The following LRP12 variants were observed in gnomAD, a reference collection of about 807,000 sequenced individuals.
The protein encoded by LRP12 is low-density lipoprotein receptor-related protein 12.
A neutral mutation model predicts 66.0 loss-of-function variants in LRP12; 14 were observed. The observed-to-expected ratio is 0.21, with a 90% CI of 0.14 to 0.33. The LOEUF is 0.33. Ranked by LOEUF, LRP12 falls within the 10% of genes least tolerant of loss-of-function variation. LRP12 has a pLI of 1.00. For missense variants in LRP12, 889 were observed against 1,053.4 expected (o/e 0.84, Z 2.16); for synonymous variants, 357 against 359.1 (o/e 0.99, Z 0.07).
intron 2 of LRP12, among the ~76,000 whole-genome samples, chr8:104,525,360 C>T (rs1811217312): frequency 6.6e-6 from 1 of 152,114 alleles, no homozygotes; most frequent in African/African-American, 2.4e-5. Flanking sequence ...TATGCCAACC[C>T]TGTAGCATCA....
At position 104,538,518 on chromosome 8, in the gene LRP12, C is replaced by G. The variant is rs556933941; in HGVS notation, c.80-6555G>C. On this transcript the variant is annotated intron_variant, in intron 1 of 6. Coordinates refer to ENST00000276654, the MANE Select transcript of LRP12 (RefSeq NM_013437.5). ...TAAAGCTTCTGGAGATCACCTCAAG[C>G]AGAAGTAATTCTTTTAAACTCCTAT... Among the ~76,000 whole-genome samples the G allele has an allele frequency of 2.0e-4, 30 of 152,134 alleles. No homozygotes were observed. The South Asian group carries it at 6.2e-3, about 32-fold the overall frequency.
At chr8:104,588,124 G>A (rs1401893296) in intron 1 of LRP12, among the ~76,000 whole-genome samples, 3 of 152,202 alleles carry the variant, frequency 2.0e-5, no homozygotes. Context: ...AGCGGCGGAC[G>A]AGGATGGATG....
intron 1 of LRP12, among the ~76,000 whole-genome samples, chr8:104,533,833 T>A (rs1487922724): frequency 6.6e-6 from 1 of 152,008 alleles, no homozygotes; most frequent in Non-Finnish European, 1.5e-5. Flanking sequence ...ATTTTAAACA[T>A]GAAATCTTTT....
intron 2 of LRP12, among the ~76,000 whole-genome samples, chr8:104,521,879 T>C (rs912687856): frequency 2.6e-4 from 40 of 152,066 alleles, no homozygotes; most frequent in African/African-American, 7.9e-4. Flanking sequence ...AGGTACCTAA[T>C]TGAATAATTG....
intron 1 of LRP12, chr8:104,566,380 T>C (rs1174287915): frequency 1.5e-5 from 4 of 262,000 alleles, no homozygotes; most frequent in Admixed American, 8.3e-5. Context: ...GTGAAAACCA[T>C]GGGAGCCTTA....
chr8:104,526,182 G>C (rs1811234991), intron 2 of LRP12, among the ~76,000 whole-genome samples: 1 of 151,626 alleles, frequency 6.6e-6, no homozygotes, highest in Non-Finnish European at 1.5e-5. Flanking sequence ...AAATAAAAGA[G>C]GATACAAACA....
Position 104,498,007 on chromosome 8 carries a change from G to A in LRP12, c.545C>T (p.Ala182Val). The A allele has an allele frequency of 1.2e-6, 2 of 1,613,976 alleles. No individual in the cohort carries two copies. Among genetic ancestry groups the A allele is most frequent in the East Asian group, 4.5e-5 (2 of 44,864 alleles). Residue 182 changes from alanine (A) to valine (V), a missense_variant, in exon 5 of 7, where the codon GCC (alanine) becomes GTC (valine). Physicochemically the swap from Ala to Val is moderately conservative, Grantham distance 64. Coordinates refer to ENST00000276654, the MANE Select transcript of LRP12 (RefSeq NM_013437.5). ...TTCATCCATGTTATTACATTTCCAG[G>A]CTTCTGGTATACACTTTCCATTACC... ...RCGNGKCIPE[A>V]WKCNNMDECG...
At chr8:104,551,733 C>T (rs1811728278) in intron 1 of LRP12, among the ~76,000 whole-genome samples, 1 of 152,152 alleles carries the variant, frequency 6.6e-6, no homozygotes, top group Non-Finnish European at 1.5e-5. Flanking sequence ...ATATGTACCA[C>T]ATTTTAACTG....
intron 1 of LRP12, among the ~76,000 whole-genome samples, chr8:104,584,304 T>G (rs1322813761): frequency 1.3e-5 from 2 of 151,904 alleles, no homozygotes; most frequent in Admixed American, 6.6e-5. Flanking sequence ...TTTACTTAAA[T>G]CTATATAATT....
chr8:104,524,387 G>A (rs1357916939), intron 2 of LRP12, among the ~76,000 whole-genome samples: 1 of 151,990 alleles, frequency 6.6e-6, no homozygotes, highest in Non-Finnish European at 1.5e-5. Context: ...AATTATATAT[G>A]GCTTTTCTTC....
rs183147579 is a variant in LRP12, at chr8:104,529,995, T to C, written c.136+1912A>G. Among the ~76,000 whole-genome samples, 34 of 152,324 alleles carry C rather than the reference T, an allele frequency of 2.2e-4. No individual in the cohort carries two copies. In the Middle Eastern group the frequency reaches 0.014, roughly 61 times the overall value. On this transcript the variant is annotated intron_variant, in intron 2 of 6. Coordinates refer to ENST00000276654, the MANE Select transcript of LRP12 (RefSeq NM_013437.5). ...AAAAGACTGAATGCGGAAACAGATA[T>C]GAGAATCTAGCTATTTTCTTTTAAG...
intron 1 of LRP12, among the ~76,000 whole-genome samples, chr8:104,573,161 T>A (rs912855693): frequency 3.3e-5 from 5 of 152,312 alleles, no homozygotes; most frequent in South Asian, 4.1e-4. Flanking sequence ...CCATCCTTTG[T>A]ACCTGGGCAA....
chr8:104,516,086 A>G (rs938825975), intron 2 of LRP12, among the ~76,000 whole-genome samples: 12 of 152,130 alleles, frequency 7.9e-5, no homozygotes, highest in African/African-American at 2.9e-4. Context: ...AACATCATCT[A>G]ATTTACGTTG....
intron 1 of LRP12, among the ~76,000 whole-genome samples, chr8:104,562,060 C>T (rs766575849): frequency 6.6e-5 from 10 of 152,080 alleles, no homozygotes; most frequent in African/African-American, 1.7e-4. Context: ...CGAGCAGAAG[C>T]GTAAAGTAGT....
chr8:104,497,889 C>T lies in LRP12; in HGVS notation c.663G>A (p.Gln221=). 5 of 1,614,174 alleles carry T rather than the reference C, an allele frequency of 3.1e-6. No homozygotes were observed. In the Middle Eastern group the frequency reaches 4.9e-4, roughly 160 times the overall value. ...AAACTTTGGTAAAACGGGATAAACA[C>T]TGGAACTGGTTGTAAGCACAGGGTT... The part of the protein sequence containing the change: ...AFQPCAYNQF[Q]CLSRFTKVYT... The change falls in exon 5 of 7, where the codon CAG becomes CAA. Residue 221 remains glutamine (Q), a synonymous_variant. Transcript: ENST00000276654. This position sits in a 1 kb window ranked among gnomAD's most constrained non-coding sequence, Gnocchi z 4.3.
At chr8:104,501,896 T>G (rs142052346) in intron 3 of LRP12, among the ~76,000 whole-genome samples, 1 of 152,222 alleles carries the variant, frequency 6.6e-6, no homozygotes, top group Non-Finnish European at 1.5e-5. Context: ...TCCTAAGATA[T>G]CTTGGTGTTT....
chr8:104,551,711 T>C (rs1357669566), intron 1 of LRP12, among the ~76,000 whole-genome samples: 1 of 152,236 alleles, frequency 6.6e-6, no homozygotes, highest in Non-Finnish European at 1.5e-5. Context: ...GGCTGTGTAG[T>C]ATTCCATATA....
Position 104,495,253 on chromosome 8 carries a change from A to C in LRP12, c.1581-44T>G, listed in dbSNP as rs779982755. On this transcript the variant is annotated intron_variant, in intron 5 of 6. Transcript: ENST00000276654. ...AGAAAAATGATTAAAAGGGGGAGCG[A>C]AGAAAAAGAACAATTTTCTATTATC... 24 of 1,578,482 alleles carry C rather than the reference A, an allele frequency of 1.5e-5. No individual in the cohort carries two copies. In the South Asian group the frequency reaches 2.4e-4, roughly 16 times the overall value.
chr8:104,585,718 T>C (rs892467431), intron 1 of LRP12, among the ~76,000 whole-genome samples: 2 of 152,192 alleles, frequency 1.3e-5, no homozygotes, highest in Non-Finnish European at 2.9e-5. Flanking sequence ...TTAACTTTTT[T>C]CTCTATGTAC....
Sources: gnomAD v4.1 joint callset for allele counts (sites outside exome capture counted in the v4.1 genomes callset) on GRCh38, gnomAD v4.1.1 for gene constraint, Gnocchi (gnomAD v3.1) non-coding constraint, MANE v1.5 for transcripts, NCBI Gene and HGNC (gene_info 2026-07-23, HGNC 2026-07-21) for gene names.